The following CBL variants were observed in gnomAD, a reference collection of about 807,000 sequenced individuals.
CBL encodes E3 ubiquitin-protein ligase CBL.
In CBL, 45 loss-of-function variants were observed where a neutral mutation model predicts 96.9. That is an observed-to-expected ratio of 0.46 (90% CI 0.37 to 0.60). The LOEUF is 0.60. CBL is among the 20% of genes least tolerant of loss of function. The pLI, the probability that CBL is intolerant of heterozygous loss-of-function variation, is 0.00. For missense variants in CBL, 1,024 were observed against 1,143.5 expected (o/e 0.90, Z 1.51); for synonymous variants, 420 against 426.8 (o/e 0.98, Z 0.20).
chr11:119,294,010 A>C (rs533773398), intron 12 of CBL, among the ~76,000 whole-genome samples: 116 of 152,340 alleles, frequency 7.6e-4, no homozygotes, highest in South Asian at 2.3e-3. Context: ...TTAGCCTGTT[A>C]AGTCGTGGCT....
intron 12 of CBL, among the ~76,000 whole-genome samples, chr11:119,289,276 T>G (rs1591266179): frequency 6.6e-6 from 1 of 152,220 alleles, no homozygotes. Context: ...GAGAGGAGAA[T>G]GTTAAATTCT....
At chr11:119,236,840 T>A (rs1949550493) in intron 2 of CBL, among the ~76,000 whole-genome samples, 1 of 152,152 alleles carries the variant, frequency 6.6e-6, no homozygotes. Flanking sequence ...ATGTGAATAC[T>A]TTTTCATGTG....
At chr11:119,212,508 C>T (rs1437746022) in intron 1 of CBL, among the ~76,000 whole-genome samples, 1 of 151,606 alleles carries the variant, frequency 6.6e-6, no homozygotes, top group African/African-American at 2.4e-5. Context: ...TCCCTATAAT[C>T]CCAGCTACTC....
At chr11:119,249,494 G>A (rs572532966) in intron 2 of CBL, among the ~76,000 whole-genome samples, 4 of 149,326 alleles carry the variant, frequency 2.7e-5, no homozygotes, top group East Asian at 2.0e-4. Flanking sequence ...AGCAGGGTTC[G>A]CAGTGAGGTG....
In CBL at chr11:119,285,553, T is replaced by C. The variant is rs1311047726; in HGVS notation, c.1928T>C (p.Leu643Pro). 3 of 1,613,936 alleles carry C rather than the reference T, an allele frequency of 1.9e-6. No homozygotes were observed. The South Asian group carries it at 3.3e-5, about 18-fold the overall frequency. Residue 643 changes from leucine to proline, a missense_variant, in exon 11 of 16, where the codon CTG becomes CCG. By Grantham distance (98) the Leu-to-Pro change is moderately conservative. Around this residue, in one of 4 missense-constraint regions of CBL, gnomAD observed 695 missense variants for 661.6 expected, o/e 1.05. Transcript: ENST00000264033. ...CCTAGGCTCGGAAGCACGTTCAGTC[T>C]GGATACCTCCATGGTGAGTCTTAAT... ...DVPRLGSTFS[L>P]DTSMSMNSSP...
In CBL at chr11:119,278,622, C is replaced by T. The variant is rs2135304700; in HGVS notation, c.1340C>T (p.Ala447Val). Residue 447 changes from alanine to valine, a missense_variant, in exon 9 of 16, where the codon GCA becomes GTA. Around this residue, in one of 4 missense-constraint regions of CBL, gnomAD observed 695 missense variants for 661.6 expected, o/e 1.05. Transcript: ENST00000264033. ...AGTGGCAGCCTGTTGAGGCAAGGAG[C>T]AGAGGGAGCTCCCTCCCCAAATTAT... is the stretch of plus-strand genomic sequence containing the variant. ...RGSGSLLRQG[A>V]EGAPSPNYDD... 1.9e-6 allele frequency: 3 copies of T among 1,613,880 alleles called. No homozygotes were observed. The highest frequency in any genetic ancestry group is 2.5e-6 in the Non-Finnish European group (3 of 1,179,822).
Position 119,285,427 on chromosome 11 carries a change from C to T in CBL, c.1802C>T (p.Ser601Phe). ...LPRPIPKVPVSAPSSSDPWTG... is the reference protein window; with the variant it reads ...LPRPIPKVPVFAPSSSDPWTG... Reference sequence around the variant, plus strand: ...CGGCCAATCCCCAAAGTACCAGTATCTGCCCCAAGTTCCAGTGATCCCTGG... The same window carrying T: ...CGGCCAATCCCCAAAGTACCAGTATTTGCCCCAAGTTCCAGTGATCCCTGG... The change falls in exon 11 of 16, where the codon TCT becomes TTT. Residue 601 changes from serine to phenylalanine, a missense_variant. Coordinates refer to ENST00000264033, the MANE Select transcript of CBL (RefSeq NM_005188.4). 1 of 1,614,218 alleles carries T rather than the reference C, an allele frequency of 6.2e-7. No individual in the cohort carries two copies. Among genetic ancestry groups the T allele is most frequent in the Non-Finnish European group, 8.5e-7 (1 of 1,180,046 alleles).
chr11:119,217,270 C>G (rs1391935787), intron 1 of CBL, among the ~76,000 whole-genome samples: 1 of 152,176 alleles, frequency 6.6e-6, no homozygotes, highest in Non-Finnish European at 1.5e-5. Context: ...GCATGTACCA[C>G]AGGCCCGGCT....
chr11:119,238,611 C>T (rs901387356), intron 2 of CBL, among the ~76,000 whole-genome samples: 10 of 152,072 alleles, frequency 6.6e-5, no homozygotes, highest in Admixed American at 2.6e-4. Flanking sequence ...AGGTGGATCA[C>T]CTGAGATCAG....
At chr11:119,272,325 G>A (rs1480863073) in intron 3 of CBL, among the ~76,000 whole-genome samples, 1 of 152,134 alleles carries the variant, frequency 6.6e-6, no homozygotes, top group Non-Finnish European at 1.5e-5. Context: ...GTTTCACCAC[G>A]TCAGCCAGGA....
intron 1 of CBL, among the ~76,000 whole-genome samples, chr11:119,223,522 C>T (rs1353463949): frequency 6.6e-6 from 1 of 151,644 alleles, no homozygotes; most frequent in Non-Finnish European, 1.5e-5. Context: ...CTCCATCTCC[C>T]AGGTTCAAGC....
chr11:119,251,372 A>G (rs939328312), intron 2 of CBL, among the ~76,000 whole-genome samples: 7 of 152,150 alleles, frequency 4.6e-5, no homozygotes, highest in Admixed American at 6.5e-5. Flanking sequence ...GTTCAACCCA[A>G]AAAAAAGATA....
At position 119,305,611 on chromosome 11, in the gene CBL, A is replaced by G; in HGVS notation, c.*5830A>G. 1 of 225,354 alleles carries G rather than the reference A, an allele frequency of 4.4e-6. No individual in the cohort carries two copies. The highest frequency in any genetic ancestry group is 6.4e-5 in the East Asian group (1 of 15,570). The allele number at this position is 225,354 out of a possible 1,614,324, so 14.0% of individuals were successfully genotyped here. ...ACTTTGCCAGAGCCAGTAAGAATAT[A>G]TAATATTGGAGCAGTTGCCAGGATA... On this transcript the variant is annotated 3_prime_UTR_variant, in exon 16 of 16. Coordinates refer to ENST00000264033, the MANE Select transcript of CBL (RefSeq NM_005188.4).
intron 2 of CBL, among the ~76,000 whole-genome samples, chr11:119,236,622 T>TATATACAC (rs398017756): frequency 1.9e-4 from 28 of 144,310 alleles, no homozygotes; most frequent in African/African-American, 7.2e-4. Flanking sequence ...TATATATATA[T>TATATACAC]ACCCATAGGA....
intron 2 of CBL, among the ~76,000 whole-genome samples, chr11:119,237,119 G>A (rs529503736): frequency 1.3e-5 from 2 of 152,254 alleles, no homozygotes; most frequent in East Asian, 3.9e-4. Context: ...AGCTATCTTA[G>A]TTATCAGAGT....
chr11:119,270,627 T>C (rs1186728615), intron 2 of CBL, among the ~76,000 whole-genome samples: 4 of 149,324 alleles, frequency 2.7e-5, no homozygotes, highest in Non-Finnish European at 4.5e-5. Flanking sequence ...TTTGTATTTT[T>C]AGTAGAGACG....
chr11:119,291,661 T>C (rs1006720608), intron 12 of CBL, among the ~76,000 whole-genome samples: 6 of 152,206 alleles, frequency 3.9e-5, no homozygotes, highest in Admixed American at 6.5e-5. Flanking sequence ...TGCGCCATGA[T>C]TGTGCCACTG....
chr11:119,249,752 TCA>T (rs1384060918), intron 2 of CBL, among the ~76,000 whole-genome samples: 16 of 151,716 alleles, frequency 1.1e-4, no homozygotes, highest in Admixed American at 9.9e-4. Flanking sequence ...CCTCCTGGGC[TCA>T]AGTATCGATC....
chr11:119,270,835 G>A (rs192521697), intron 2 of CBL, among the ~76,000 whole-genome samples: 32 of 152,102 alleles, frequency 2.1e-4, no homozygotes, highest in Non-Finnish European at 3.5e-4. Flanking sequence ...CCACTTTGGC[G>A]TCCTATAGTG....
Sources: allele counts gnomAD v4.1 joint callset (sites outside exome capture counted in the v4.1 genomes callset), GRCh38; gene constraint gnomAD v4.1.1; regional missense constraint gnomAD v4.1.1; transcripts MANE v1.5; gene names NCBI Gene and HGNC (gene_info 2026-07-23, HGNC 2026-07-21).